The following EXOC4 variants were observed in gnomAD, a reference collection of about 807,000 sequenced individuals.
EXOC4 encodes SEC8-like 1.
In EXOC4, 71 loss-of-function variants were observed where a neutral mutation model predicts 107.2. The observed-to-expected ratio is 0.66, with a 90% CI of 0.55 to 0.81. The LOEUF is 0.81. EXOC4 is among the 30% of genes least tolerant of loss of function. The pLI, the probability that EXOC4 is intolerant of heterozygous loss-of-function variation, is 0.00. For missense variants in EXOC4, 1,108 were observed against 1,189.6 expected (o/e 0.93, Z 1.01); for synonymous variants, 456 against 441.2 (o/e 1.03, Z -0.42).
intron 10 of EXOC4, among the ~76,000 whole-genome samples, chr7:133,816,810 T>C (rs1435082219): frequency 6.6e-6 from 1 of 152,158 alleles, no homozygotes. Context: ...TCTAATGTGA[T>C]TGCTGATCTG....
intron 9 of EXOC4, among the ~76,000 whole-genome samples, chr7:133,576,150 A>G (rs1004666075): frequency 1.3e-5 from 2 of 151,940 alleles, no homozygotes; most frequent in Admixed American, 1.3e-4. Flanking sequence ...GTTCTTTCCC[A>G]CCTCTTCTAC....
chr7:133,783,363 T>G (rs955709894), intron 10 of EXOC4, among the ~76,000 whole-genome samples: 3 of 152,200 alleles, frequency 2.0e-5, no homozygotes, highest in Non-Finnish European at 4.4e-5. Flanking sequence ...GATCATCATC[T>G]CATAACCCAT....
intron 17 of EXOC4, among the ~76,000 whole-genome samples, chr7:134,028,645 C>T (rs573076065): frequency 6.6e-5 from 10 of 152,268 alleles, no homozygotes; most frequent in Admixed American, 3.9e-4. Context: ...AGATGAGTGT[C>T]TTCACCTAAC....
At chr7:133,538,505 C>T (rs1800316373) in intron 9 of EXOC4, among the ~76,000 whole-genome samples, 1 of 151,950 alleles carries the variant, frequency 6.6e-6, no homozygotes, top group South Asian at 2.1e-4. Flanking sequence ...TTCAGGGACA[C>T]ATAATACATG....
chr7:133,815,069 TAATC>T (rs945179474), intron 10 of EXOC4, among the ~76,000 whole-genome samples: 3 of 152,184 alleles, frequency 2.0e-5, no homozygotes, highest in Admixed American at 6.5e-5. Context: ...AAAGCAATCT[TAATC>T]AATGAGGATA....
At chr7:133,847,413 T>C (rs1353776667) in intron 11 of EXOC4, among the ~76,000 whole-genome samples, 1 of 150,542 alleles carries the variant, frequency 6.6e-6, no homozygotes. Context: ...TGAGTCTCGC[T>C]CTGCCCCCAA....
At chr7:133,669,245 G>T (rs1220114550) in intron 10 of EXOC4, among the ~76,000 whole-genome samples, 2 of 152,170 alleles carry the variant, frequency 1.3e-5, no homozygotes, top group East Asian at 1.9e-4. Flanking sequence ...CTTTACAGTG[G>T]TGAGAGGAGG....
At chr7:134,084,147 C>T in the EXOC4 span, among the ~76,000 whole-genome samples, 1 of 152,344 alleles carries the variant, frequency 6.6e-6, no homozygotes, top group African/African-American at 2.4e-5. Context: ...AAACATGACT[C>T]ATCCAAGGGT....
chr7:133,994,582 T>C (rs79409393), intron 14 of EXOC4, among the ~76,000 whole-genome samples: 1,857 of 152,310 alleles, frequency 0.012, 50 homozygotes, highest in African/African-American at 0.042. Context: ...ATACTAGGAA[T>C]GATCTGATGT....
chr7:133,600,854 T>C lies in EXOC4; in HGVS notation c.1418-29191T>C, dbSNP rs553491350. 2.0e-5 allele frequency among the ~76,000 whole-genome samples: 3 copies of C among 152,326 alleles called. No homozygotes were observed. The East Asian group carries it at 5.8e-4, about 29-fold the overall frequency. ...TTTATTTTTTAACATTTCAAACCTT[T>C]AGTCAGACAGGAACTGACTTGTGTG... On this transcript the variant is annotated intron_variant, in intron 9 of 17. Transcript: ENST00000253861.
At chr7:133,745,413 G>A (rs967196164) in intron 10 of EXOC4, among the ~76,000 whole-genome samples, 2 of 152,018 alleles carry the variant, frequency 1.3e-5, no homozygotes, top group African/African-American at 4.8e-5. Flanking sequence ...AATTATAGAA[G>A]TATCTATCTT....
At chr7:133,378,346 AAAT>A (rs2150695759) in intron 7 of EXOC4, among the ~76,000 whole-genome samples, 1 of 151,896 alleles carries the variant, frequency 6.6e-6, no homozygotes, top group East Asian at 1.9e-4. Flanking sequence ...GGCTGAAGGA[AAAT>A]AATACCAGAT....
chr7:133,516,772 T>TTTTTTTTTTTTTTTTTTTTTTTTC (rs71188898), intron 9 of EXOC4, among the ~76,000 whole-genome samples: 1 of 146,214 alleles, frequency 6.8e-6, no homozygotes, highest in Non-Finnish European at 1.5e-5. Flanking sequence ...TTTTTTTTTT[T>TTTTTTTTTTTTTTTTTTTTTTTTC]ACAGAATTTA....
At chr7:133,710,799 T>TTTTTG (rs57951354) in intron 10 of EXOC4, among the ~76,000 whole-genome samples, 12,175 of 151,784 alleles carry the variant, frequency 0.08, 536 homozygotes, top group Middle Eastern at 0.13. Flanking sequence ...AATTTCTTTT[T>TTTTTG]TTTTGTTTTG....
chr7:133,502,188 C>T (rs912720479), intron 9 of EXOC4, among the ~76,000 whole-genome samples: 1 of 151,706 alleles, frequency 6.6e-6, no homozygotes, highest in Non-Finnish European at 1.5e-5. Context: ...AAAAAAGAGT[C>T]GTTTGATTTT....
intron 9 of EXOC4, among the ~76,000 whole-genome samples, chr7:133,491,573 G>C (rs1392970043): frequency 3.9e-5 from 6 of 152,180 alleles, no homozygotes; most frequent in African/African-American, 1.4e-4. Flanking sequence ...TCTTAGGGCT[G>C]TCATATCAGT....
At chr7:133,969,448 G>A (rs1357478604) in intron 14 of EXOC4, among the ~76,000 whole-genome samples, 1 of 152,194 alleles carries the variant, frequency 6.6e-6, no homozygotes, top group African/African-American at 2.4e-5. Context: ...TTTAGCCTTT[G>A]TGTGCTGGTT....
chr7:133,430,915 C>T (rs753526386), intron 7 of EXOC4, among the ~76,000 whole-genome samples: 21 of 152,172 alleles, frequency 1.4e-4, no homozygotes, highest in Non-Finnish European at 2.8e-4. Context: ...TGGAAAATCC[C>T]TGAAGTTTAG....
intron 9 of EXOC4, among the ~76,000 whole-genome samples, chr7:133,582,012 A>T (rs1438851724): frequency 6.6e-6 from 1 of 151,966 alleles, no homozygotes; most frequent in Non-Finnish European, 1.5e-5. Flanking sequence ...GCATGGAGAA[A>T]TCTGCCCCCA....
Sources: gnomAD v4.1 joint callset for allele counts (sites outside exome capture counted in the v4.1 genomes callset) on GRCh38, gnomAD v4.1.1 for gene constraint, MANE v1.5 for transcripts, NCBI Gene and HGNC (gene_info 2026-07-23, HGNC 2026-07-21) for gene names.